Variants in CMTM8 observed in about 807,000 individuals in gnomAD.
CMTM8 encodes CKLF like MARVEL transmembrane domain containing 8, also known as CKLF-like MARVEL transmembrane domain-containing protein 8.
In CMTM8, 12 loss-of-function variants were observed where a neutral mutation model predicts 18.6. The observed-to-expected ratio is 0.65, with a 90% CI of 0.41 to 1.05. The LOEUF (loss-of-function observed/expected upper bound fraction) is 1.05. Among genes scored for constraint, CMTM8 ranks in the 50% least tolerant of loss-of-function variants. The probability of loss-of-function intolerance (pLI) is 0.00; values close to 1 mark genes in which losing one functional copy is unlikely to be tolerated. For synonymous variants in CMTM8, 87 were observed against 90.6 expected, an observed-to-expected ratio of 0.96 and a Z score of 0.23; for missense variants, 217 against 227.2, an observed-to-expected ratio of 0.95 and a Z score of 0.29.
chr3:32,310,808 CAT>C (rs1323432581), intron 1 of CMTM8, among the ~76,000 whole-genome samples: 3 of 152,098 alleles, frequency 2.0e-5, no homozygotes, highest in African/African-American at 7.2e-5. Flanking sequence ...TGGAGGAAAA[CAT>C]AGAAATTTGG....
At chr3:32,303,636 C>G (rs1271643174) in intron 1 of CMTM8, among the ~76,000 whole-genome samples, 1 of 151,956 alleles carries the variant, frequency 6.6e-6, no homozygotes, top group Non-Finnish European at 1.5e-5. Context: ...CCCCTCCCAA[C>G]TGTAATTTTG....
chr3:32,360,837 T>C (rs1424615313), intron 2 of CMTM8, among the ~76,000 whole-genome samples: 1 of 152,234 alleles, frequency 6.6e-6, no homozygotes, highest in Non-Finnish European at 1.5e-5. Context: ...AATCAGAAAT[T>C]CTGTAGAGGG....
chr3:32,286,296 C>A (rs928484566), intron 1 of CMTM8, among the ~76,000 whole-genome samples: 1 of 152,112 alleles, frequency 6.6e-6, no homozygotes, highest in Admixed American at 6.5e-5. Context: ...AATTTGAATT[C>A]TTTCCAACCA....
At chr3:32,322,683 C>T (rs926443887) in intron 1 of CMTM8, among the ~76,000 whole-genome samples, 77 of 152,052 alleles carry the variant, frequency 5.1e-4, no homozygotes, top group African/African-American at 1.6e-3. Context: ...GATGGTTGGT[C>T]CAAAAATGGG....
chr3:32,254,482 G>A (rs895828160), intron 1 of CMTM8, among the ~76,000 whole-genome samples: 1 of 151,914 alleles, frequency 6.6e-6, no homozygotes, highest in African/African-American at 2.4e-5. Flanking sequence ...TATATTTATT[G>A]TGATTATTTA....
At chr3:32,267,988 T>G (rs906394035) in intron 1 of CMTM8, among the ~76,000 whole-genome samples, 1 of 152,200 alleles carries the variant, frequency 6.6e-6, no homozygotes, top group African/African-American at 2.4e-5. Context: ...ACTTTTACAC[T>G]GTTGGTGGGA....
intron 1 of CMTM8, among the ~76,000 whole-genome samples, chr3:32,284,866 G>C (rs1041335314): frequency 6.6e-6 from 1 of 152,184 alleles, no homozygotes; most frequent in South Asian, 2.1e-4. Context: ...TAGGAATTTT[G>C]AGTGGTGTCC....
At chr3:32,368,177 A>G (rs1697080347) in intron 3 of CMTM8, among the ~76,000 whole-genome samples, 189 bp downstream of exon 3, 1 of 152,216 alleles carries the variant, frequency 6.6e-6, no homozygotes, top group Non-Finnish European at 1.5e-5. Context: ...CGAAGTGGGA[A>G]AAGGCTGGGA....
chr3:32,332,725 G>A (rs1247648194), intron 1 of CMTM8, among the ~76,000 whole-genome samples: 1 of 152,148 alleles, frequency 6.6e-6, no homozygotes, highest in African/African-American at 2.4e-5. Flanking sequence ...TCCTGTAAGA[G>A]GAGAGAGATG....
At position 32,343,980 on chromosome 3, in the gene CMTM8, C is replaced by T. The variant is rs563450733; in HGVS notation, c.148-13393C>T. 5.7e-4 allele frequency among the ~76,000 whole-genome samples: 87 copies of T among 152,264 alleles called. No individual in the cohort carries two copies. The South Asian group carries it at 0.017, about 30-fold the overall frequency. ...CCTCCCAAAGTGCTGGGATTACAGG[C>T]GTGAGCCACCTCGCCTGGCCAAGAC... On this transcript the variant is annotated intron_variant, in intron 1 of 3. Coordinates refer to ENST00000307526, the MANE Select transcript of CMTM8 (RefSeq NM_178868.5).
intron 2 of CMTM8, among the ~76,000 whole-genome samples, chr3:32,364,154 T>C (rs370067088): frequency 1.3e-5 from 2 of 152,200 alleles, no homozygotes; most frequent in African/African-American, 4.8e-5. Flanking sequence ...GGAGGATCAC[T>C]TGAGCCCAGG....
chr3:32,353,032 C>A (rs969576564), intron 1 of CMTM8, among the ~76,000 whole-genome samples: 1 of 152,156 alleles, frequency 6.6e-6, no homozygotes, highest in Non-Finnish European at 1.5e-5. Flanking sequence ...CCAGGCTCTG[C>A]GCCTGTGCTG....
intron 1 of CMTM8, among the ~76,000 whole-genome samples, chr3:32,352,635 A>G (rs574704241): frequency 6.6e-6 from 1 of 152,364 alleles, no homozygotes; most frequent in African/African-American, 2.4e-5. Context: ...TATGAAGATC[A>G]AAAGCAGAAA....
At chr3:32,282,019 A>T (rs907902525) in intron 1 of CMTM8, among the ~76,000 whole-genome samples, 1 of 152,068 alleles carries the variant, frequency 6.6e-6, no homozygotes, top group African/African-American at 2.4e-5. Flanking sequence ...CCTCAGAATC[A>T]TGGCTTTCAA....
chr3:32,345,245 C>T (rs755518033), intron 1 of CMTM8, among the ~76,000 whole-genome samples: 4 of 151,994 alleles, frequency 2.6e-5, no homozygotes, highest in Non-Finnish European at 4.4e-5. Context: ...GTCCCAGCCA[C>T]TCAGAAGGCT....
intron 1 of CMTM8, among the ~76,000 whole-genome samples, chr3:32,247,578 G>T (rs147593639): frequency 6.6e-6 from 1 of 151,790 alleles, no homozygotes; most frequent in Admixed American, 6.6e-5. Flanking sequence ...CACCCACCTC[G>T]ACCTCCCCAA....
At chr3:32,292,110 G>A (rs928618836) in intron 1 of CMTM8, among the ~76,000 whole-genome samples, 3 of 152,150 alleles carry the variant, frequency 2.0e-5, no homozygotes, top group Admixed American at 6.5e-5. Flanking sequence ...AGAATGTTTT[G>A]TGTTTCAAGG....
In CMTM8 at chr3:32,367,864, C is replaced by T; in HGVS notation, c.322-8C>T. The T allele has an allele frequency of 6.3e-7, 1 of 1,586,794 alleles. No individual in the cohort carries two copies. Among genetic ancestry groups the T allele is most frequent in the Non-Finnish European group, 8.7e-7 (1 of 1,155,772 alleles). On this transcript the variant is annotated splice_polypyrimidine_tract_variant and splice_region_variant and intron_variant, in intron 2 of 3. Coordinates refer to ENST00000307526, the MANE Select transcript of CMTM8 (RefSeq NM_178868.5). The stretch of plus-strand genomic sequence containing the variant: ...CTCCCTAAACACTCTGCCCCTGTGT[C>T]CCCCCAGGGCCTGTGCTTTAACGGC...
intron 1 of CMTM8, among the ~76,000 whole-genome samples, chr3:32,242,741 A>T (rs963860243): frequency 6.6e-5 from 10 of 152,136 alleles, no homozygotes; most frequent in African/African-American, 2.2e-4. Context: ...CCTTCATATG[A>T]GTGTGTTTTC....
Sources: allele counts gnomAD v4.1 joint callset (sites outside exome capture counted in the v4.1 genomes callset), GRCh38; gene constraint gnomAD v4.1.1; transcripts MANE v1.5; gene names NCBI Gene and HGNC (gene_info 2026-07-23, HGNC 2026-07-21).